Variants in ABCB11 observed in about 807,000 individuals in gnomAD.
ABCB11 encodes bile salt export pump.
Under a neutral mutation model 148.0 loss-of-function variants are expected in ABCB11, and 95 were observed. The ratio of observed to expected loss-of-function variants is 0.64; its 90% CI spans 0.54 to 0.76. ABCB11 has a LOEUF of 0.76. ABCB11 is among the 30% of genes least tolerant of loss of function. The pLI is 0.00. For synonymous variants in ABCB11, 591 were observed against 555.4 expected (o/e 1.06, Z -0.90); for missense variants, 1,523 against 1,617.8 (o/e 0.94, Z 1.01).
chr2:168,935,499 G>T, intron 22 of ABCB11, 74 bp from the exon 23 acceptor site: 2 of 1,523,268 alleles, frequency 1.3e-6, no homozygotes, highest in Non-Finnish European at 1.8e-6. Context: ...GTGGCTGCCT[G>T]GATTAGATGG....
At chr2:169,012,137 G>T (rs1179151225) in intron 5 of ABCB11, among the ~76,000 whole-genome samples, 2 of 152,172 alleles carry the variant, frequency 1.3e-5, no homozygotes, top group Non-Finnish European at 2.9e-5. Context: ...CTGGAATCAA[G>T]CCTATAGAAA....
downstream of ABCB11, among the ~76,000 whole-genome samples, chr2:168,917,268 G>A (rs1028881712): frequency 6.6e-6 from 1 of 151,864 alleles, no homozygotes; most frequent in African/African-American, 2.4e-5. Context: ...TAATATATGG[G>A]CATCTCTTTC....
chr2:168,950,238 A>C (rs1281945832), intron 19 of ABCB11, among the ~76,000 whole-genome samples: 2 of 151,386 alleles, frequency 1.3e-5, no homozygotes, highest in Non-Finnish European at 3.0e-5. Context: ...GTGTGTATAC[A>C]TATATGGATA....
intron 17 of ABCB11, 79 bp from the exon 18 acceptor site, chr2:168,964,387 T>C: frequency 9.0e-7 from 1 of 1,109,730 alleles, no homozygotes; most frequent in Non-Finnish European, 1.3e-6. Flanking sequence ...AAGTTTACAT[T>C]TCATATGTCA....
intron 4 of ABCB11, 63 bp from the exon 5 acceptor site, chr2:169,013,573 C>T: frequency 7.4e-7 from 1 of 1,351,688 alleles, no homozygotes; most frequent in Non-Finnish European, 1.0e-6. Flanking sequence ...AGGAGGACTA[C>T]TTAATTTAGT....
chr2:168,959,934 C>CAAAAAAAAAAAAAAAAAAAAAAAAA (rs375450217), intron 18 of ABCB11, among the ~76,000 whole-genome samples: 1 of 87,202 alleles, frequency 1.1e-5, no homozygotes, highest in Non-Finnish European at 2.1e-5. Context: ...ACTGCATCTC[C>CAAAAAAAAAAAAAAAAAAAAAAAAA]AAAAAAAAAA....
intron 17 of ABCB11, among the ~76,000 whole-genome samples, chr2:168,965,667 G>A (rs994436654): frequency 6.6e-6 from 1 of 151,810 alleles, no homozygotes; most frequent in Non-Finnish European, 1.5e-5. Context: ...AGAATCACCT[G>A]AAGTAAATGG....
chr2:168,931,279 T>TA (rs1373627979), intron 24 of ABCB11, among the ~76,000 whole-genome samples: 1 of 152,222 alleles, frequency 6.6e-6, no homozygotes, highest in Non-Finnish European at 1.5e-5. Context: ...CTGAGGTCTG[T>TA]ACTGCAAAGG....
At position 168,923,650 on chromosome 2, in the gene ABCB11, A is replaced by T; in HGVS notation, c.3938T>A (p.Leu1313Gln). 6.2e-7 allele frequency: 1 copy of T among 1,613,638 alleles called. No individual in the cohort carries two copies. Among genetic ancestry groups the T allele is most frequent in the South Asian group, 1.1e-5 (1 of 91,066 alleles). Residue 1313 changes from leucine (L) to glutamine (Q), a missense_variant, in exon 28 of 28, where the codon CTA becomes CAA. Transcript: ENST00000650372. ...ACTGATGGGGGATCCAGTGGTGACT[A>T]GTTTGTAGTAGGCTCCTTTTTGGGC... ...LMAQKGAYYK[L>Q]VTTGSPIS is the part of the protein sequence containing the mutation.
At chr2:168,995,266 T>A in intron 7 of ABCB11, 83 bp downstream of exon 7, 1 of 1,453,944 alleles carries the variant, frequency 6.9e-7, no homozygotes, top group Non-Finnish European at 9.2e-7. Context: ...CTGAAAATAT[T>A]TTTAAATTTT....
intron 5 of ABCB11, among the ~76,000 whole-genome samples, chr2:169,007,897 T>A (rs536959478): frequency 6.6e-6 from 1 of 152,342 alleles, no homozygotes; most frequent in African/African-American, 2.4e-5. Flanking sequence ...AAGGAACTTA[T>A]ATCTAGAATA....
intron 3 of ABCB11, among the ~76,000 whole-genome samples, chr2:169,014,765 C>T (rs1303819946): frequency 6.6e-6 from 1 of 152,172 alleles, no homozygotes; most frequent in African/African-American, 2.4e-5. Flanking sequence ...AATATTACAA[C>T]TACATTAAAT....
intron 19 of ABCB11, among the ~76,000 whole-genome samples, chr2:168,955,719 C>A (rs993434308): frequency 2.6e-5 from 4 of 151,668 alleles, no homozygotes; most frequent in Admixed American, 1.3e-4. Context: ...AGTCTTAACT[C>A]ATTTAAGCAT....
chr2:169,024,993 T>C (rs972157339), intron 1 of ABCB11, among the ~76,000 whole-genome samples: 1 of 151,920 alleles, frequency 6.6e-6, no homozygotes, highest in Non-Finnish European at 1.5e-5. Context: ...ATTTGCCGGT[T>C]ACACAATTTT....
At chr2:168,957,569 A>G (rs1304273882) in intron 19 of ABCB11, among the ~76,000 whole-genome samples, 3 of 151,720 alleles carry the variant, frequency 2.0e-5, no homozygotes, top group Admixed American at 6.6e-5. Flanking sequence ...CACCTGCTAT[A>G]TAAGTCAAAC....
At chr2:168,926,864 C>T (rs1279188073) in intron 26 of ABCB11, among the ~76,000 whole-genome samples, 1 of 152,072 alleles carries the variant, frequency 6.6e-6, no homozygotes, top group African/African-American at 2.4e-5. Flanking sequence ...CCACAAAATT[C>T]CTGTTTCTTA....
intron 1 of ABCB11, among the ~76,000 whole-genome samples, chr2:169,020,819 A>G (rs1695512474): frequency 6.6e-6 from 1 of 152,112 alleles, no homozygotes; most frequent in South Asian, 2.1e-4. Flanking sequence ...GATTATGGTG[A>G]TGGTCGCACA....
intron 17 of ABCB11, among the ~76,000 whole-genome samples, chr2:168,966,010 C>T (rs1693301285): frequency 6.6e-6 from 1 of 151,844 alleles, no homozygotes; most frequent in African/African-American, 2.4e-5. Context: ...TCATTATGAC[C>T]AGGCATTAAA....
chr2:168,998,810 C>G (rs1694792670), intron 5 of ABCB11, among the ~76,000 whole-genome samples: 1 of 152,084 alleles, frequency 6.6e-6, no homozygotes, highest in Non-Finnish European at 1.5e-5. Context: ...GTTTATCACT[C>G]TCTTCACTCC....
Sources: gnomAD v4.1 joint callset for allele counts (sites outside exome capture counted in the v4.1 genomes callset) on GRCh38, gnomAD v4.1.1 for gene constraint, MANE v1.5 for transcripts, NCBI Gene and HGNC (gene_info 2026-07-23, HGNC 2026-07-21) for gene names.